The following PER1 variants were observed in gnomAD, a reference collection of about 807,000 sequenced individuals.
The protein encoded by PER1 is period circadian protein homolog 1.
Under a neutral mutation model 125.9 loss-of-function variants are expected in PER1, and 87 were observed. The observed-to-expected ratio is 0.69, with a 90% CI of 0.58 to 0.83. The LOEUF (loss-of-function observed/expected upper bound fraction) is 0.83, where lower values mean the gene tolerates loss of function less well. PER1 is among the 40% of genes least tolerant of loss of function. The pLI, the probability that PER1 is intolerant of heterozygous loss-of-function variation, is 0.00. For synonymous variants in PER1, 801 were observed against 714.7 expected, an observed-to-expected ratio of 1.12 and a Z score of -1.93; for missense variants, 1,775 against 1,722.8, an observed-to-expected ratio of 1.03 and a Z score of -0.54.
At chr17:8,152,242 TCTGC>T (rs1357810617) in intron 1 of PER1, 91 bp downstream of exon 1, 2 of 152,376 alleles carry the variant, frequency 1.3e-5, no homozygotes, top group African/African-American at 4.8e-5. Flanking sequence ...CAGTGTGCCC[TCTGC>T]CTGGGCCGAA....
intron 18 of PER1, chr17:8,144,545 C>G (rs1982298216): frequency 3.3e-6 from 2 of 600,074 alleles, no homozygotes; most frequent in Admixed American, 3.6e-5. Context: ...TGCCATCCCC[C>G]CAGGCTGCCC....
In PER1 at chr17:8,148,715, C is replaced by T. The variant is rs758816943; in HGVS notation, c.977G>A (p.Arg326Gln). The part of the protein sequence containing the change: ...FRLTPYVTKI[R>Q]VSDGAPAQPC... ...CTGTGCAGGGGCCCCATCTGAGACCCGGATCTTGGTCACATACGGGGTTAG... is the reference window on the plus strand; with the variant it reads ...CTGTGCAGGGGCCCCATCTGAGACCTGGATCTTGGTCACATACGGGGTTAG... The change falls in exon 8 of 23, where the codon CGG becomes CAG. Residue 326 changes from arginine to glutamine, a missense_variant. Transcript: ENST00000317276. 1.4e-5 allele frequency: 23 copies of T among 1,613,722 alleles called. No individual in the cohort carries two copies. The highest frequency in any genetic ancestry group is 8.0e-5 in the African/African-American group (6 of 74,902).
chr17:8,147,374 T>C lies in PER1; in HGVS notation c.1505A>G (p.His502Arg). 1 of 1,613,722 alleles carries C rather than the reference T, an allele frequency of 6.2e-7. No homozygotes were observed. The highest frequency in any genetic ancestry group is 8.5e-7 in the Non-Finnish European group (1 of 1,179,936). ...QIHRLLLQPVHSPSPTGLCGV... is the reference protein window; with the variant it reads ...QIHRLLLQPVRSPSPTGLCGV... ...ACAGAGTCCCGTGGGGCTGGGGCTG[T>C]GGACGGGCTGCAGCAGGGAGAGGGC... Residue 502 changes from histidine to arginine, a missense_variant, in exon 13 of 23, where the codon CAC becomes CGC. Transcript: ENST00000317276.
chr17:8,141,667 G>A, intron 22 of PER1, 138 bp downstream of exon 22: 1 of 1,027,102 alleles, frequency 9.7e-7, no homozygotes, highest in Non-Finnish European at 1.4e-6. Flanking sequence ...GGACATCAAG[G>A]AGATCAGCTC....
intron 18 of PER1, 197 bp downstream of exon 18, chr17:8,144,554 C>T (rs1044486151): frequency 3.6e-5 from 23 of 641,960 alleles, no homozygotes; most frequent in South Asian, 9.4e-5. Flanking sequence ...CCCAGGCTGC[C>T]CTCCTCTGGC....
chr17:8,140,921 G>A lies in PER1; in HGVS notation c.*147C>T, dbSNP rs754701694. On this transcript the variant is annotated 3_prime_UTR_variant, in exon 23 of 23. Coordinates refer to ENST00000317276, the MANE Select transcript of PER1 (RefSeq NM_002616.3). ...GGCCAGAGGCAGCCCCTGGATCCTA[G>A]GCTGGTGATGGGGGTCCGGCCCCCT... The A allele has an allele frequency of 6.7e-6, 6 of 896,322 alleles. No individual in the cohort carries two copies. Among genetic ancestry groups the A allele is most frequent in the East Asian group, 2.5e-5 (1 of 40,604 alleles). The allele number at this position is 896,322 out of a possible 1,614,324, so 55.5% of individuals were successfully genotyped here.
At chr17:8,142,875 A>C in intron 19 of PER1, 40 bp from the exon 20 acceptor site, 1 of 1,468,530 alleles carries the variant, frequency 6.8e-7, no homozygotes, top group Non-Finnish European at 9.2e-7. Flanking sequence ...TGGAGGGGTC[A>C]GCACCTAGGC....
intron 20 of PER1, 65 bp downstream of exon 20, chr17:8,142,584 G>C: frequency 1.3e-6 from 2 of 1,588,722 alleles, no homozygotes; most frequent in Non-Finnish European, 1.7e-6. Flanking sequence ...GCCAAGACGG[G>C]GCCTGGGCTC....
rs1368094416 is a variant in PER1 at position 8,141,296 on chromosome 17, A to AG, written c.3644dup (p.Asp1216Ter). On this transcript the variant is annotated frameshift_variant, in exon 23 of 23. Coordinates refer to ENST00000317276, the MANE Select transcript of PER1 (RefSeq NM_002616.3). LOFTEE classifies it high-confidence loss of function. Reference sequence around the variant, plus strand: ...CCAGCTCTGAGAAGAGTGGGTCATCAGGGTGACCAGGATCTTGGGTGCTGC... The same window carrying AG: ...CCAGCTCTGAGAAGAGTGGGTCATCAGGGGTGACCAGGATCTTGGGTGCTGC... 1 of 1,613,690 alleles carries AG rather than the reference A, an allele frequency of 6.2e-7. No individual in the cohort carries two copies. Among genetic ancestry groups the AG allele is most frequent in the Non-Finnish European group, 8.5e-7 (1 of 1,179,810 alleles).
Position 8,147,390 on chromosome 17 carries a change from G to A in PER1, c.1498-9C>T, listed in dbSNP as rs765002973. ...CTGGGGCTGTGGACGGGCTGCAGCA[G>A]GGAGAGGGCAGGTTAGATGGCTTGA... On this transcript the variant is annotated splice_polypyrimidine_tract_variant and intron_variant, in intron 12 of 22. Transcript: ENST00000317276. 6 of 1,613,558 alleles carry A rather than the reference G, an allele frequency of 3.7e-6. No homozygotes were observed. The highest frequency in any genetic ancestry group is 2.2e-5 in the East Asian group (1 of 44,880).
At chr17:8,149,422 G>A (rs1982682520) in intron 6 of PER1, 40 bp downstream of exon 6, 4 of 1,607,770 alleles carry the variant, frequency 2.5e-6, no homozygotes, top group African/African-American at 1.3e-5. Context: ...GGAATTTCCT[G>A]GGACTGCTCA....
At position 8,141,328 on chromosome 17, in the gene PER1, A is replaced by G. The variant is rs1267743922; in HGVS notation, c.3613T>C (p.Cys1205Arg). 2 of 1,609,092 alleles carry G rather than the reference A, an allele frequency of 1.2e-6. No individual in the cohort carries two copies. Among genetic ancestry groups the G allele is most frequent in the African/African-American group, 2.7e-5 (2 of 74,832 alleles). Residue 1205 changes from cysteine (C) to arginine (R), a missense_variant, in exon 23 of 23, where the codon TGT becomes CGT. Physicochemically the swap from Cys to Arg is radical, Grantham distance 180. Coordinates refer to ENST00000317276, the MANE Select transcript of PER1 (RefSeq NM_002616.3). ...RALDVMACVD[C>R]GSSTQDPGHP... ...CCAGGATCTTGGGTGCTGCTCCCAC[A>G]GTCCACACAGGCCTTGGTGAGAGAA...
At chr17:8,141,718 T>G in intron 22 of PER1, 87 bp downstream of exon 22, 1 of 961,496 alleles carries the variant, frequency 1.0e-6, no homozygotes. Context: ...TTCTTTTTTC[T>G]CCCCCTTGAA....
At position 8,150,467 on chromosome 17, in the gene PER1, G is replaced by A. The variant is rs143153582; in HGVS notation, c.240C>T (p.Asp80=). 63 of 1,613,858 alleles carry A rather than the reference G, an allele frequency of 3.9e-5. No individual in the cohort carries two copies. The African/African-American group carries it at 7.6e-4, about 19-fold the overall frequency. Residue 80 remains aspartate, a synonymous_variant, in exon 2 of 23, where the codon GAC becomes GAT. Coordinates refer to ENST00000317276, the MANE Select transcript of PER1 (RefSeq NM_002616.3). ...SHSSSSGNGK[D]SALLETTESS... ...TCTCAGTGGTCTCCAGCAGGGCTGAGTCCTTGCCGTTGCCTGAGGAGGAGC... is the reference window on the plus strand; with the variant it reads ...TCTCAGTGGTCTCCAGCAGGGCTGAATCCTTGCCGTTGCCTGAGGAGGAGC...
chr17:8,141,464 A>C (rs1982074399), intron 22 of PER1, 124 bp from the exon 23 acceptor site: 1 of 1,143,882 alleles, frequency 8.7e-7, no homozygotes, highest in Non-Finnish European at 1.2e-6. Context: ...ACCAGTCCAC[A>C]CAGATGCACC....
At position 8,148,765 on chromosome 17, in the gene PER1, T is replaced by C. The variant is rs1982624969; in HGVS notation, c.927A>G (p.Pro309=). Residue 309 remains proline, a synonymous_variant, in exon 8 of 23, where the codon CCA becomes CCG. Transcript: ENST00000317276. ...CRIRGGPDRD[P]GPRYQPFRLT... ...GGCGGAATGGCTGGTACCGAGGCCC[T>C]GGATCCCGGTCAGGACCTCCTCTAG... 1 of 1,613,642 alleles carries C rather than the reference T, an allele frequency of 6.2e-7. No individual in the cohort carries two copies. Among genetic ancestry groups the C allele is most frequent in the Non-Finnish European group, 8.5e-7 (1 of 1,179,808 alleles).
At chr17:8,145,436 G>A (rs1219696379) in intron 17 of PER1, among the ~76,000 whole-genome samples, 1 of 147,738 alleles carries the variant, frequency 6.8e-6, no homozygotes, top group Non-Finnish European at 1.5e-5. Context: ...CGATTCTCCT[G>A]TCCCAGCCTC....
At chr17:8,141,397 C>G in intron 22 of PER1, 57 bp from the exon 23 acceptor site, 1 of 1,527,794 alleles carries the variant, frequency 6.5e-7, no homozygotes, top group Non-Finnish European at 8.8e-7. Flanking sequence ...GCTAACCTGC[C>G]AGCGCAGCTT....
chr17:8,144,829 G>T lies in PER1; in HGVS notation c.2383C>A (p.Leu795Ile). 6.3e-7 allele frequency: 1 copy of T among 1,586,686 alleles called. No homozygotes were observed. Among genetic ancestry groups the T allele is most frequent in the Admixed American group, 1.7e-5 (1 of 57,238 alleles). ...CTGCCCAGGTCTCGGAAGCGGCTGA[G>T]GAAGGCTTGCTCTTCCTTCTGTGTG... ...LHTQKEEQAF[L>I]SRFRDLGRLR... The change falls in exon 18 of 23, where the codon CTC becomes ATC. Residue 795 changes from leucine (L) to isoleucine (I), a missense_variant. Coordinates refer to ENST00000317276, the MANE Select transcript of PER1 (RefSeq NM_002616.3).
Sources: gnomAD v4.1 joint callset for allele counts (sites outside exome capture counted in the v4.1 genomes callset) on GRCh38, gnomAD v4.1.1 for gene constraint, MANE v1.5 for transcripts, NCBI Gene and HGNC (gene_info 2026-07-23, HGNC 2026-07-21) for gene names.